Variants in PROM1 observed in about 807,000 individuals in gnomAD.
PROM1 encodes the protein prominin 1.
Under a neutral mutation model 116.9 loss-of-function variants are expected in PROM1, and 105 were observed. That is an observed-to-expected ratio of 0.90 (90% CI 0.77 to 1.06). The LOEUF is 1.06. PROM1 is among the 50% of genes least tolerant of loss of function. The pLI, the probability that PROM1 is intolerant of heterozygous loss-of-function variation, is 0.00. For missense variants in PROM1, 1,122 were observed against 1,045.2 expected (o/e 1.07, Z -1.01); for synonymous variants, 393 against 387.0 (o/e 1.02, Z -0.18).
intron 24 of PROM1, 93 bp from the exon 25 acceptor site, chr4:15,979,997 A>C: frequency 1.3e-6 from 1 of 773,940 alleles, no homozygotes; most frequent in Non-Finnish European, 2.1e-6. Flanking sequence ...TCTAACACGG[A>C]TACTGACAGT....
intron 26 of PROM1, among the ~76,000 whole-genome samples, chr4:15,978,654 G>A (rs1005898760): frequency 1.5e-4 from 23 of 152,202 alleles, no homozygotes; most frequent in African/African-American, 1.2e-4. Context: ...TGTGGGGAGC[G>A]GGCTCGGGGG....
At position 16,018,479 on chromosome 4, in the gene PROM1, T is replaced by C. The variant is rs112570091; in HGVS notation, c.846A>G (p.Gln282=). 1.9e-5 allele frequency: 30 copies of C among 1,613,094 alleles called. No homozygotes were observed. Among genetic ancestry groups the C allele is most frequent in the African/African-American group, 2.7e-5 (2 of 74,908 alleles). ...NMNSTLKSLH[Q]QSTQLSSSLT... is the part of the protein sequence containing the mutation. The stretch of plus-strand genomic sequence containing the variant: ...GACTGCTGCTAAGCTGTGTACTTTG[T>C]TGGTGCAAGCTCTTCAAGGTGCTGT... Residue 282 remains glutamine, a synonymous_variant, in exon 9 of 28, where the codon CAA becomes CAG. Coordinates refer to ENST00000447510, the MANE Select transcript of PROM1 (RefSeq NM_006017.3).
At chr4:15,999,198 G>T (rs772821484) in intron 14 of PROM1, among the ~76,000 whole-genome samples, 2 of 151,804 alleles carry the variant, frequency 1.3e-5, no homozygotes, top group Non-Finnish European at 2.9e-5. Context: ...TTGGCCGGGC[G>T]CTGTGGCTCA....
At chr4:16,025,732 C>T (rs1001782956) in intron 5 of PROM1, among the ~76,000 whole-genome samples, 3 of 152,168 alleles carry the variant, frequency 2.0e-5, no homozygotes, top group Admixed American at 1.3e-4. Flanking sequence ...CACACACACA[C>T]ACACACACTT....
At chr4:15,986,428 A>G (rs899617235) in intron 20 of PROM1, among the ~76,000 whole-genome samples, 1 of 151,974 alleles carries the variant, frequency 6.6e-6, no homozygotes, top group African/African-American at 2.4e-5. Context: ...TTTTCACTAC[A>G]AAACCCATAG....
At chr4:15,992,101 T>C (rs1721199828) in intron 17 of PROM1, 147 bp downstream of exon 17, 14 of 958,836 alleles carry the variant, frequency 1.5e-5, no homozygotes, top group Non-Finnish European at 2.2e-5. Context: ...GCACTGTGAA[T>C]GTACTCAATG....
In PROM1 at chr4:16,041,785, AATATAT is replaced by A. The variant is rs200674323; in HGVS notation, c.221-2790_221-2785del. On this transcript the variant is annotated intron_variant, in intron 2 of 27. Coordinates refer to ENST00000447510, the MANE Select transcript of PROM1 (RefSeq NM_006017.3). ...AAATAAATAAATAAATAAATAAATA[AATATAT>A]ATATATATATATATATGAAAGGCTG... Among the ~76,000 whole-genome samples, 113 of 37,626 alleles carry A rather than the reference AATATAT, an allele frequency of 3.0e-3. 1 individual carries two copies. The highest frequency in any genetic ancestry group is 7.4e-3 in the African/African-American group (97 of 13,040). 24.7% of individuals were successfully genotyped at this position (37,626 alleles called of 152,430 possible).
rs141102576 is a variant in PROM1, at chr4:15,999,660, T to C, written c.1578+836A>G. ...TGATGCCTGGCTTGATGTCTTTCTT[T>C]TATCAAAAGGCCAAATGGAGATCAT... On this transcript the variant is annotated intron_variant, in intron 14 of 27. Coordinates refer to ENST00000447510, the MANE Select transcript of PROM1 (RefSeq NM_006017.3). Among the ~76,000 whole-genome samples, 1,369 of 152,258 alleles carry C rather than the reference T, an allele frequency of 9.0e-3. 16 individuals are homozygous for C. The highest frequency in any genetic ancestry group is 0.032 in the African/African-American group (1,309 of 41,542).
chr4:16,063,923 A>G (rs1740921837), intron 2 of PROM1, among the ~76,000 whole-genome samples: 2 of 149,576 alleles, frequency 1.3e-5, no homozygotes, highest in African/African-American at 4.8e-5. Flanking sequence ...ACTGGTAATG[A>G]GTTGAAAGTT....
intron 2 of PROM1, among the ~76,000 whole-genome samples, chr4:16,064,444 G>A (rs922776313): frequency 1.3e-5 from 2 of 152,166 alleles, no homozygotes; most frequent in Non-Finnish European, 2.9e-5. Flanking sequence ...CCCTTGGGAG[G>A]AGGCAGGAGA....
At position 16,034,042 on chromosome 4, in the gene PROM1, A is replaced by C. The variant is rs528383257; in HGVS notation, c.304-533T>G. Among the ~76,000 whole-genome samples, 255 of 152,280 alleles carry C rather than the reference A, an allele frequency of 1.7e-3. 1 individual carries two copies. Among genetic ancestry groups the C allele is most frequent in the Non-Finnish European group, 3.0e-3 (202 of 68,024 alleles). On this transcript the variant is annotated intron_variant, in intron 4 of 27. Transcript: ENST00000447510. Reference sequence around the variant, plus strand: ...CTTTCAACCCCTAGGAAGATGTCTAAATGCTAGTTTGAGCTGCAAATGGTT... The same window carrying C: ...CTTTCAACCCCTAGGAAGATGTCTACATGCTAGTTTGAGCTGCAAATGGTT...
At chr4:15,975,876 C>A (rs1252948574) in intron 26 of PROM1, among the ~76,000 whole-genome samples, 1 of 152,210 alleles carries the variant, frequency 6.6e-6, no homozygotes, top group African/African-American at 2.4e-5. Flanking sequence ...TTCAGCGAAA[C>A]TCACATAAGG....
At chr4:15,971,787 G>C (rs1462827089) in intron 26 of PROM1, 1 of 152,292 alleles carries the variant, frequency 6.6e-6, no homozygotes, top group Non-Finnish European at 1.5e-5. Context: ...ATGAGGTTGG[G>C]GGAGGACATG....
chr4:16,019,226 G>C (rs1427009028), intron 8 of PROM1, among the ~76,000 whole-genome samples: 2 of 152,228 alleles, frequency 1.3e-5, no homozygotes, highest in African/African-American at 4.8e-5. Context: ...CATACAGAGA[G>C]TACCCAACTA....
At chr4:16,065,709 A>G (rs1741374161) in intron 2 of PROM1, among the ~76,000 whole-genome samples, 1 of 152,212 alleles carries the variant, frequency 6.6e-6, no homozygotes, top group Non-Finnish European at 1.5e-5. Context: ...CTCAAGAAAT[A>G]TGACCTTGGG....
intron 26 of PROM1, among the ~76,000 whole-genome samples, chr4:15,977,782 T>G (rs995476486): frequency 6.6e-6 from 1 of 152,146 alleles, no homozygotes; most frequent in Non-Finnish European, 1.5e-5. Flanking sequence ...GTATTTTTAG[T>G]AGAGACAAGG....
Position 16,075,676 on chromosome 4 carries a change from T to C in PROM1, c.220+11A>G. 1 of 1,605,520 alleles carries C rather than the reference T, an allele frequency of 6.2e-7. No individual in the cohort carries two copies. On this transcript the variant is annotated intron_variant, in intron 2 of 27. Transcript: ENST00000447510. Reference sequence around the variant, plus strand: ...AGATAAATCCTATCTTTCCCTGCCATCAGCACTTACCTTCTGGGAAATCAC... The same window carrying C: ...AGATAAATCCTATCTTTCCCTGCCACCAGCACTTACCTTCTGGGAAATCAC...
chr4:15,976,991 T>C (rs555971942), intron 26 of PROM1, among the ~76,000 whole-genome samples: 18 of 152,316 alleles, frequency 1.2e-4, no homozygotes, highest in African/African-American at 4.1e-4. Context: ...TAATCTGTAA[T>C]GATTAGCCCA....
At chr4:15,987,208 T>C (rs76565950) in intron 20 of PROM1, among the ~76,000 whole-genome samples, 1,837 of 152,312 alleles carry the variant, frequency 0.012, 46 homozygotes, top group African/African-American at 0.04. Flanking sequence ...ACTCATCCCC[T>C]GAACTCCTGT....
Sources: gnomAD v4.1 joint callset for allele counts (sites outside exome capture counted in the v4.1 genomes callset) on GRCh38, gnomAD v4.1.1 for gene constraint, MANE v1.5 for transcripts, NCBI Gene and HGNC (gene_info 2026-07-23, HGNC 2026-07-21) for gene names.